DNAH7: variants seen among roughly 807,000 people sequenced by gnomAD.
DNAH7 encodes the protein axonemal beta dynein heavy chain 7.
In DNAH7, 397 loss-of-function variants were observed where a neutral mutation model predicts 444.6. The observed-to-expected ratio is 0.89, with a 90% confidence interval of 0.82 to 0.97. The LOEUF (loss-of-function observed/expected upper bound fraction) is 0.97. Ranked by LOEUF, DNAH7 falls within the 50% of genes least tolerant of loss-of-function variation. DNAH7 has a pLI of 0.00. For missense variants in DNAH7, 4,902 were observed against 4,800.8 expected (o/e 1.02, Z -0.62); for synonymous variants, 1,636 against 1,624.4 (o/e 1.01, Z -0.17).
chr2:195,873,127 A>G (rs947356056), intron 39 of DNAH7, among the ~76,000 whole-genome samples: 1 of 152,206 alleles, frequency 6.6e-6, no homozygotes, highest in Non-Finnish European at 1.5e-5. Flanking sequence ...GGGCACACAG[A>G]CAGACTTCCC....
intron 22 of DNAH7, among the ~76,000 whole-genome samples, chr2:195,925,042 C>T (rs897766051): frequency 6.6e-6 from 1 of 152,036 alleles, no homozygotes; most frequent in African/African-American, 2.4e-5. Flanking sequence ...TGAGGGTTCC[C>T]AAGAATGAGA....
intron 20 of DNAH7, among the ~76,000 whole-genome samples, chr2:195,935,026 T>C (rs1688956224): frequency 6.6e-6 from 1 of 152,170 alleles, no homozygotes; most frequent in Non-Finnish European, 1.5e-5. Flanking sequence ...AAAATTACAA[T>C]TATAGTAAGA....
intron 61 of DNAH7, among the ~76,000 whole-genome samples, chr2:195,762,076 A>C (rs1254425446): frequency 6.6e-6 from 1 of 152,116 alleles, no homozygotes. Flanking sequence ...GAAAAACAAA[A>C]AGTTAAAAAG....
At chr2:195,987,232 TA>T (rs1334822626) in intron 13 of DNAH7, 39 bp from the exon 14 acceptor site, 3 of 1,431,108 alleles carry the variant, frequency 2.1e-6, no homozygotes, top group Admixed American at 2.6e-5. Context: ...TAAGAAGAAA[TA>T]AAACAAATAA....
At chr2:195,763,844 G>C (rs6719486) in intron 61 of DNAH7, among the ~76,000 whole-genome samples, 11 of 151,766 alleles carry the variant, frequency 7.2e-5, no homozygotes, top group Admixed American at 3.3e-4. Context: ...TTCTGAAAAA[G>C]AGAGGTGGAG....
At chr2:196,040,142 A>G (rs1696651276) in intron 5 of DNAH7, among the ~76,000 whole-genome samples, 1 of 152,186 alleles carries the variant, frequency 6.6e-6, no homozygotes. Context: ...TTCTATGAAA[A>G]TTTTAAAGTA....
intron 33 of DNAH7, 105 bp downstream of exon 33, chr2:195,888,153 T>G (rs1327169580): frequency 2.1e-6 from 2 of 931,272 alleles, no homozygotes; most frequent in African/African-American, 3.5e-5. Flanking sequence ...AGGTTTTGAT[T>G]TAATATCTCT....
chr2:195,775,870 T>G lies in DNAH7; in HGVS notation c.11178A>C (p.Leu3726=), dbSNP rs756015292. The change falls in exon 60 of 65, where the codon CTA becomes CTC. Residue 3726 remains leucine (L), a synonymous_variant. Coordinates refer to ENST00000312428, the MANE Select transcript of DNAH7 (RefSeq NM_018897.3). Reference sequence around the variant, plus strand: ...CCTGTGTAAGAAGAATGTTATCAAATAGCAGCTGAGTTTCTGACTGATCCT... The same window carrying G: ...CCTGTGTAAGAAGAATGTTATCAAAGAGCAGCTGAGTTTCTGACTGATCCT... The part of the protein sequence containing the change: ...ITKDQSETQL[L]FDNILLTQSR... 1 of 1,614,132 alleles carries G rather than the reference T, an allele frequency of 6.2e-7. No homozygotes were observed. The highest frequency in any genetic ancestry group is 8.5e-7 in the Non-Finnish European group (1 of 1,179,994).
At chr2:196,039,753 T>A (rs538264539) in intron 5 of DNAH7, among the ~76,000 whole-genome samples, 3 of 146,536 alleles carry the variant, frequency 2.0e-5, no homozygotes, top group African/African-American at 7.7e-5. Context: ...GAGCCTAGGT[T>A]ACATCACTGT....
chr2:195,906,423 A>ACACACACACACACACACACACTT (rs764416021), intron 27 of DNAH7, among the ~76,000 whole-genome samples: 9 of 147,462 alleles, frequency 6.1e-5, no homozygotes, highest in South Asian at 2.1e-4. Context: ...ACACACACAC[A>ACACACACACACACACACACACTT]CACACACTTT....
chr2:196,050,217 A>C (rs896686300), intron 3 of DNAH7, among the ~76,000 whole-genome samples: 3 of 152,188 alleles, frequency 2.0e-5, no homozygotes, highest in African/African-American at 2.4e-5. Context: ...TGAAGACATT[A>C]TGTTAAGTGA....
chr2:195,812,620 T>C (rs780331435), intron 51 of DNAH7, among the ~76,000 whole-genome samples: 60 of 152,192 alleles, frequency 3.9e-4, no homozygotes, highest in Non-Finnish European at 7.8e-4. Flanking sequence ...AGTCGTAACA[T>C]AATACATTCT....
chr2:196,019,323 A>G, intron 8 of DNAH7, 28 bp from the exon 9 acceptor site: 1 of 1,439,804 alleles, frequency 6.9e-7, no homozygotes, highest in Admixed American at 2.2e-5. Context: ...ATTTAGTTAC[A>G]GTCTCAAAAA....
intron 48 of DNAH7, among the ~76,000 whole-genome samples, chr2:195,826,663 T>C (rs1465557029): frequency 6.6e-6 from 1 of 152,228 alleles, no homozygotes; most frequent in Non-Finnish European, 1.5e-5. Flanking sequence ...AACTGTATAC[T>C]AACATACTTG....
chr2:195,843,031 T>C (rs1698781696), intron 47 of DNAH7, among the ~76,000 whole-genome samples: 1 of 152,204 alleles, frequency 6.6e-6, no homozygotes, highest in South Asian at 2.1e-4. Context: ...AGCTCTTTTC[T>C]GAGATAAAAA....
In DNAH7 at chr2:195,947,059, C is replaced by A. The variant is rs190787530; in HGVS notation, c.3078+10202G>T. On this transcript the variant is annotated intron_variant, in intron 19 of 64. Coordinates refer to ENST00000312428, the MANE Select transcript of DNAH7 (RefSeq NM_018897.3). The stretch of plus-strand genomic sequence containing the variant: ...TTTCATGTTTACACCTCAAGGAAAC[C>A]AAGACATCTCAATAAAGCCAATTAT... 3.0e-3 allele frequency among the ~76,000 whole-genome samples: 455 copies of A among 149,424 alleles called. 3 individuals carry two copies. Among genetic ancestry groups the A allele is most frequent in the African/African-American group, 0.011 (436 of 40,752 alleles).
At chr2:195,844,381 T>C (rs1450018492) in intron 47 of DNAH7, among the ~76,000 whole-genome samples, 2 of 152,158 alleles carry the variant, frequency 1.3e-5, no homozygotes, top group African/African-American at 2.4e-5. Context: ...TAATGTGAAC[T>C]TGGAAATAAT....
intron 30 of DNAH7, chr2:195,892,449 A>G (rs1702065737): frequency 6.6e-6 from 1 of 151,988 alleles, no homozygotes; most frequent in African/African-American, 2.4e-5. Context: ...ATGGCATTAT[A>G]AGAGATATTA....
Position 195,845,157 on chromosome 2 carries a change from A to G in DNAH7, c.8790T>C (p.Thr2930=). ...AFTSTYRQNQ[T]KEWTTLCKGR... ...CTTTGCACAAAGTTGTCCACTCTTT[A>G]GTTTGATTCTTTAGAACATCCACAG... Residue 2930 remains threonine (T), a synonymous_variant, in exon 47 of 65, where the codon ACT becomes ACC. Transcript: ENST00000312428. The G allele has an allele frequency of 6.2e-7, 1 of 1,607,614 alleles. No homozygotes were observed. Among genetic ancestry groups the G allele is most frequent in the Non-Finnish European group, 8.5e-7 (1 of 1,177,748 alleles).
Sources: gnomAD v4.1 joint callset for allele counts (sites outside exome capture counted in the v4.1 genomes callset) on GRCh38, gnomAD v4.1.1 for gene constraint, MANE v1.5 for transcripts, NCBI Gene and HGNC (gene_info 2026-07-23, HGNC 2026-07-21) for gene names.